Variants in ERICH3 observed in about 807,000 individuals in gnomAD.
The protein encoded by ERICH3 is glutamate-rich protein 3.
Under a neutral mutation model 131.1 loss-of-function variants are expected in ERICH3, and 126 were observed. That is an observed-to-expected ratio of 0.96 (90% CI 0.83 to 1.11). The LOEUF is 1.11. Ranked by LOEUF, ERICH3 falls within the 50% of genes most tolerant of loss-of-function variation. The probability of loss-of-function intolerance (pLI) is 0.00; values close to 1 mark genes in which losing one functional copy is unlikely to be tolerated. For missense variants in ERICH3, 2,050 were observed against 1,810.7 expected (o/e 1.13, Z -2.40); for synonymous variants, 695 against 644.6 (o/e 1.08, Z -1.18).
Position 74,571,827 on chromosome 1 carries a change from C to T in ERICH3, c.3883G>A (p.Glu1295Lys), listed in dbSNP as rs1646953688. Residue 1295 changes from glutamate to lysine, a missense_variant, in exon 14 of 15, where the codon GAG (glutamate) becomes AAG (lysine). Coordinates refer to ENST00000326665, the MANE Select transcript of ERICH3 (RefSeq NM_001002912.5). ...FREEAVDEDP[E>K]EEEDKECTLE... The stretch of plus-strand genomic sequence containing the variant: ...GTGCACTCTTTGTCCTCTTCCTCCT[C>T]TGGGTCCTCATCCACCGCTTCCTCC... 1 of 1,613,080 alleles carries T rather than the reference C, an allele frequency of 6.2e-7. No individual in the cohort carries two copies. The highest frequency in any genetic ancestry group is 8.5e-7 in the Non-Finnish European group (1 of 1,180,040).
chr1:74,651,280 T>G (rs1463083780), intron 1 of ERICH3, among the ~76,000 whole-genome samples: 1 of 152,088 alleles, frequency 6.6e-6, no homozygotes, highest in Non-Finnish European at 1.5e-5. Context: ...AAGTTTAATT[T>G]CATCCTCAAA....
chr1:74,603,444 G>C (rs1648238722), intron 10 of ERICH3, among the ~76,000 whole-genome samples: 1 of 151,912 alleles, frequency 6.6e-6, no homozygotes, highest in Admixed American at 6.6e-5. Flanking sequence ...GAGACAGTGT[G>C]TGCACAGTGC....
Position 74,572,070 on chromosome 1 carries a change from C to T in ERICH3, c.3640G>A (p.Gly1214Arg). 1.2e-6 allele frequency: 2 copies of T among 1,614,220 alleles called. No homozygotes were observed. The highest frequency in any genetic ancestry group is 1.7e-6 in the Non-Finnish European group (2 of 1,180,036). Residue 1214 changes from glycine to arginine, a missense_variant, in exon 14 of 15, where the codon GGG (glycine) becomes AGG (arginine). By Grantham distance (125) the Gly-to-Arg change is moderately radical. Transcript: ENST00000326665. ...LKEGHRQDGEGALAAPEAEPA... is the reference protein window; with the variant it reads ...LKEGHRQDGERALAAPEAEPA... ...TCAGCTTCAGGAGCTGCTAAGGCCC[C>T]CTCTCCATCTTGGCGGTGCCCTTCC...
intron 11 of ERICH3, among the ~76,000 whole-genome samples, chr1:74,595,869 C>T (rs958733392): frequency 1.3e-5 from 2 of 152,000 alleles, no homozygotes; most frequent in South Asian, 2.1e-4. Context: ...TGATTGACCA[C>T]GCAAAAAATC....
intron 12 of ERICH3, among the ~76,000 whole-genome samples, chr1:74,584,549 T>A (rs943004062): frequency 2.6e-5 from 4 of 152,120 alleles, no homozygotes; most frequent in African/African-American, 9.7e-5. Flanking sequence ...CAGAGTGGCC[T>A]CCCCCTGCAC....
chr1:74,574,340 T>G (rs1647014469), intron 13 of ERICH3, among the ~76,000 whole-genome samples: 1 of 152,194 alleles, frequency 6.6e-6, no homozygotes, highest in African/African-American at 2.4e-5. Flanking sequence ...CATGTGTTTC[T>G]GGTACTCACA....
rs1244105176 is a variant in ERICH3 at position 74,664,761 on chromosome 1, A to T, written c.23+8736T>A. 2.0e-5 allele frequency among the ~76,000 whole-genome samples: 3 copies of T among 152,312 alleles called. No homozygotes were observed. The East Asian group carries it at 5.8e-4, about 29-fold the overall frequency. On this transcript the variant is annotated intron_variant, in intron 1 of 14. Transcript: ENST00000326665. The stretch of plus-strand genomic sequence containing the variant: ...CATAAAAATGGATCACCAGCTTAAA[A>T]TGTTGAATTTTCTGTTCCAACCAGC...
At chr1:74,633,692 A>G (rs374096392) in intron 6 of ERICH3, among the ~76,000 whole-genome samples, 23 of 152,134 alleles carry the variant, frequency 1.5e-4, no homozygotes, top group East Asian at 1.2e-3. Context: ...GTATCTTCCA[A>G]TTGTTCACTA....
At chr1:74,662,945 G>GT (rs1432704661) in intron 1 of ERICH3, among the ~76,000 whole-genome samples, 2 of 152,164 alleles carry the variant, frequency 1.3e-5, no homozygotes, top group African/African-American at 2.4e-5. Flanking sequence ...GAGCTTAGGA[G>GT]TTTGAGACCA....
chr1:74,634,778 G>C (rs1464000412), intron 6 of ERICH3: 14 of 652,124 alleles, frequency 2.1e-5, no homozygotes. Context: ...GGAGGATACA[G>C]AGGATTTTAG....
chr1:74,586,682 G>GA (rs1319807421), intron 12 of ERICH3, among the ~76,000 whole-genome samples: 7 of 151,792 alleles, frequency 4.6e-5, no homozygotes, highest in Non-Finnish European at 1.0e-4. Context: ...GTGAAAGTAA[G>GA]AAAAAATATA....
At position 74,612,751 on chromosome 1, in the gene ERICH3, G is replaced by C. The variant is rs769875646; in HGVS notation, c.1059C>G (p.Phe353Leu). Reference sequence around the variant, plus strand: ...ACCTGTTCACCTGCATCCCATTCAGGAAAAAGGTGAGACTGAAGGGGAAAC... The same window carrying C: ...ACCTGTTCACCTGCATCCCATTCAGCAAAAAGGTGAGACTGAAGGGGAAAC... ...HHGFPFSLTF[F>L]LNGMQVNRLS... Residue 353 changes from phenylalanine (F) to leucine (L), a missense_variant, in exon 9 of 15, where the codon TTC (phenylalanine) becomes TTG (leucine). Physicochemically the swap from Phe to Leu is conservative, Grantham distance 22 (BLOSUM62 0). Coordinates refer to ENST00000326665, the MANE Select transcript of ERICH3 (RefSeq NM_001002912.5). 1 of 1,599,988 alleles carries C rather than the reference G, an allele frequency of 6.3e-7. No homozygotes were observed. Among genetic ancestry groups the C allele is most frequent in the Non-Finnish European group, 8.6e-7 (1 of 1,169,144 alleles).
chr1:74,635,933 C>T (rs576035381), intron 6 of ERICH3, among the ~76,000 whole-genome samples: 17 of 152,220 alleles, frequency 1.1e-4, no homozygotes, highest in Admixed American at 7.9e-4. Context: ...AGGTTTCATG[C>T]GTTTAAAATT....
chr1:74,570,490 A>G (rs565197434), intron 14 of ERICH3, 51 bp from the exon 15 acceptor site: 1 of 152,396 alleles, frequency 6.6e-6, no homozygotes, highest in African/African-American at 2.4e-5. Flanking sequence ...CACTCACAAC[A>G]GTAGAAACAG....
intron 8 of ERICH3, among the ~76,000 whole-genome samples, chr1:74,614,367 T>TAAC (rs573094302): frequency 5.2e-5 from 6 of 114,940 alleles, no homozygotes; most frequent in African/African-American, 2.0e-4. Flanking sequence ...ATTTTTTCCC[T>TAAC]AAAAAAAAAA....
At position 74,632,027 on chromosome 1, in the gene ERICH3, C is replaced by G. The variant is rs190899143; in HGVS notation, c.604-99G>C. ...AAGCCTAAATGATTGACATTGCATG[C>G]AAACACAACTGATATCAATAGACAA... On this transcript the variant is annotated intron_variant, in intron 6 of 14. Coordinates refer to ENST00000326665, the MANE Select transcript of ERICH3 (RefSeq NM_001002912.5). 43 of 1,050,534 alleles carry G rather than the reference C, an allele frequency of 4.1e-5. No homozygotes were observed. The African/African-American group carries it at 5.1e-4, about 12-fold the overall frequency. 65.1% of individuals were successfully genotyped at this position (1,050,534 alleles called of 1,614,324 possible).
At chr1:74,615,913 T>A (rs1161277834) in intron 8 of ERICH3, among the ~76,000 whole-genome samples, 1 of 152,154 alleles carries the variant, frequency 6.6e-6, no homozygotes, top group African/African-American at 2.4e-5. Flanking sequence ...CAGTAATAAG[T>A]AGGAATCTCA....
intron 7 of ERICH3, among the ~76,000 whole-genome samples, chr1:74,627,642 T>C (rs890651748): frequency 6.6e-6 from 1 of 151,888 alleles, no homozygotes; most frequent in Non-Finnish European, 1.5e-5. Context: ...GGAATATATA[T>C]ACACATATGC....
Position 74,570,003 on chromosome 1 carries a change from C to T in ERICH3, c.*455G>A, listed in dbSNP as rs944302371. 1 of 152,126 alleles carries T rather than the reference C, an allele frequency of 6.6e-6. No homozygotes were observed. The highest frequency in any genetic ancestry group is 2.4e-5 in the African/African-American group (1 of 41,438). 9.4% of individuals were successfully genotyped at this position (152,126 alleles called of 1,614,324 possible). On this transcript the variant is annotated 3_prime_UTR_variant, in exon 15 of 15. Coordinates refer to ENST00000326665, the MANE Select transcript of ERICH3 (RefSeq NM_001002912.5). ...CAGGCCAATTCATTAAAGCCCCAAA[C>T]CACAGATTTTTAAATAAAATTCCCA...
Sources: gnomAD v4.1 joint callset for allele counts (sites outside exome capture counted in the v4.1 genomes callset) on GRCh38, gnomAD v4.1.1 for gene constraint, MANE v1.5 for transcripts, NCBI Gene and HGNC (gene_info 2026-07-23, HGNC 2026-07-21) for gene names.